Variants in RCC1L observed in about 807,000 individuals in gnomAD.
The protein encoded by RCC1L is RCC1-like G exchanging factor-like protein.
Under a neutral mutation model 58.6 loss-of-function variants are expected in RCC1L, and 46 were observed. That is an observed-to-expected ratio of 0.79 (90% CI 0.62 to 1.00). The LOEUF is 1.00. Among genes scored for constraint, RCC1L ranks in the 50% least tolerant of loss-of-function variants. The probability of loss-of-function intolerance (pLI) is 0.00; values close to 1 mark genes in which losing one functional copy is unlikely to be tolerated. For missense variants in RCC1L, 636 were observed against 623.6 expected (o/e 1.02, Z -0.21); for synonymous variants, 281 against 262.9 (o/e 1.07, Z -0.67).
At chr7:75,031,379 G>A (rs1315680084) in intron 10 of RCC1L, among the ~76,000 whole-genome samples, 1 of 152,066 alleles carries the variant, frequency 6.6e-6, no homozygotes, top group Admixed American at 6.6e-5. Flanking sequence ...ACCCCCCCGG[G>A]GCCCTCAAGC....
intron 9 of RCC1L, among the ~76,000 whole-genome samples, chr7:75,053,736 T>C (rs1805990770): frequency 1.3e-5 from 2 of 152,096 alleles, no homozygotes; most frequent in African/African-American, 4.8e-5. Context: ...CCATCAGCTG[T>C]TGGGCAAAAG....
chr7:75,063,338 C>A lies in RCC1L; in HGVS notation c.656G>T (p.Ser219Ile). 2.5e-6 allele frequency: 4 copies of A among 1,613,814 alleles called. No individual in the cohort carries two copies. Among genetic ancestry groups the A allele is most frequent in the Non-Finnish European group, 3.4e-6 (4 of 1,179,832 alleles). The change falls in exon 5 of 11, where the codon AGT becomes ATT. Residue 219 changes from serine (S) to isoleucine (I), a missense_variant. By Grantham distance (142) the Ser-to-Ile change is moderately radical. Coordinates refer to ENST00000610322, the MANE Select transcript of RCC1L (RefSeq NM_030798.5). ...KVVENEIYSE[S>I]HRVHRMQDFD... ...GTCCTGCATCCTGTGGACTCTGTGACTTTCACTACAGCCAGGAACAAATTG... is the reference window on the plus strand; with the variant it reads ...GTCCTGCATCCTGTGGACTCTGTGAATTTCACTACAGCCAGGAACAAATTG...
chr7:75,038,874 G>A (rs1046266655), downstream of RCC1L, among the ~76,000 whole-genome samples: 3 of 152,188 alleles, frequency 2.0e-5, no homozygotes, highest in Non-Finnish European at 4.4e-5. Context: ...CCTCCGGGGG[G>A]AAACCCAGTC....
intron 1 of RCC1L, among the ~76,000 whole-genome samples, chr7:75,072,489 G>T (rs587715437): frequency 6.6e-6 from 1 of 151,908 alleles, no homozygotes; most frequent in Admixed American, 6.6e-5. Flanking sequence ...ACACTACACC[G>T]TTACGTACTC....
At chr7:75,033,161 C>T (rs1254292662) in intron 10 of RCC1L, among the ~76,000 whole-genome samples, 4 of 152,102 alleles carry the variant, frequency 2.6e-5, no homozygotes, top group East Asian at 3.9e-4. Context: ...CAAAATCATC[C>T]CCTTATGCTG....
chr7:75,027,904 G>T, exon 11 of RCC1L: 2 of 1,034,434 alleles, frequency 1.9e-6, no homozygotes, highest in Non-Finnish European at 2.9e-6. Context: ...GCTATCTCCT[G>T]GTCTGCTGGG....
At chr7:75,073,055 G>A (rs587715280) in intron 1 of RCC1L, among the ~76,000 whole-genome samples, 4 of 152,328 alleles carry the variant, frequency 2.6e-5, no homozygotes, top group Non-Finnish European at 5.9e-5. Context: ...CAGAACTCCT[G>A]CAGTCACGCT....
intron 2 of RCC1L, among the ~76,000 whole-genome samples, chr7:75,067,053 G>C (rs1806520249): frequency 6.6e-6 from 1 of 152,132 alleles, no homozygotes; most frequent in African/African-American, 2.4e-5. Context: ...TGTAATCCCA[G>C]CACTTTGGGA....
At position 75,042,961 on chromosome 7, in the gene RCC1L, C is replaced by T; in HGVS notation, c.*71G>A. 6.2e-7 allele frequency: 1 copy of T among 1,610,926 alleles called. No homozygotes were observed. The highest frequency in any genetic ancestry group is 1.3e-5 in the African/African-American group (1 of 75,018). On this transcript the variant is annotated 3_prime_UTR_variant, in exon 11 of 11. Transcript: ENST00000610322. ...CCATCCAAGAACCCCGGGGGGCTGG[C>T]CACGCGCTGGCCTCTGCCAAGGAGT...
At chr7:75,065,931 T>C (rs968407409) in intron 3 of RCC1L, among the ~76,000 whole-genome samples, 2 of 151,100 alleles carry the variant, frequency 1.3e-5, no homozygotes, top group Non-Finnish European at 2.9e-5. Flanking sequence ...GGCAGGAGAA[T>C]TGCTTGAACC....
At chr7:75,057,855 T>C (rs2131994782) in intron 7 of RCC1L, 1 of 557,560 alleles carries the variant, frequency 1.8e-6, no homozygotes, top group East Asian at 3.2e-5. Context: ...TCAACCAAAA[T>C]TAACATAAAA....
downstream of RCC1L, among the ~76,000 whole-genome samples, chr7:75,037,878 A>G (rs1440915355): frequency 1.3e-5 from 2 of 152,240 alleles, no homozygotes; most frequent in East Asian, 3.8e-4. Flanking sequence ...AGAAAAGCAC[A>G]GCTATCAGGA....
At chr7:75,066,963 G>A (rs1453985658) in intron 2 of RCC1L, among the ~76,000 whole-genome samples, 171 bp from the exon 3 acceptor site, 2 of 152,162 alleles carry the variant, frequency 1.3e-5, no homozygotes, top group South Asian at 2.1e-4. Flanking sequence ...CCCAGCCCAT[G>A]GCATGGGCTG....
intron 3 of RCC1L, among the ~76,000 whole-genome samples, chr7:75,066,274 A>G (rs1475839210): frequency 6.6e-6 from 1 of 151,814 alleles, no homozygotes; most frequent in African/African-American, 2.4e-5. Flanking sequence ...ACATGGTGAA[A>G]CCCCGTCTCT....
chr7:75,067,753 G>C (rs972260238), intron 2 of RCC1L, among the ~76,000 whole-genome samples: 9 of 152,152 alleles, frequency 5.9e-5, no homozygotes, highest in Non-Finnish European at 8.8e-5. Context: ...GCTGAGATGG[G>C]AGGATCACTT....
exon 11 of RCC1L, chr7:75,027,929 C>T (rs1563067137): frequency 1.5e-6 from 2 of 1,295,802 alleles, no homozygotes; most frequent in South Asian, 1.3e-5. Flanking sequence ...AGGGTCTCTC[C>T]AGGCCCCAGA....
In RCC1L at chr7:75,042,344, C is replaced by G; in HGVS notation, c.*688G>C. 1.0e-6 allele frequency: 1 copy of G among 985,608 alleles called. No individual in the cohort carries two copies. Among genetic ancestry groups the G allele is most frequent in the South Asian group, 4.7e-5 (1 of 21,290 alleles). The allele number at this position is 985,608 out of a possible 1,614,324, so 61.1% of individuals were successfully genotyped here. On this transcript the variant is annotated 3_prime_UTR_variant, in exon 11 of 11. Coordinates refer to ENST00000610322, the MANE Select transcript of RCC1L (RefSeq NM_030798.5). ...GCAGCTGAGCCTTGGCGGATATGCT[C>G]GGGGCCCTCGGCGCAGAGGAACTTG...
chr7:75,046,891 C>T (rs1805736463), intron 10 of RCC1L, among the ~76,000 whole-genome samples: 1 of 152,036 alleles, frequency 6.6e-6, no homozygotes, highest in Non-Finnish European at 1.5e-5. Context: ...TTCGTGGGGA[C>T]AAGAGAGCCA....
rs1336706871 is a variant in RCC1L, at chr7:75,058,742, G to A, written c.815C>T (p.Ser272Leu). Reference sequence around the variant, plus strand: ...CAGGTCTCCACCCAGCTTGGTGGGCGAGCTGGTGATATTGTAGTGACCCAG... The same window carrying A: ...CAGGTCTCCACCCAGCTTGGTGGGCAAGCTGGTGATATTGTAGTGACCCAG... ...TGLGHYNITSSPTKLGGDLAG... is the reference protein window; with the variant it reads ...TGLGHYNITSLPTKLGGDLAG... Residue 272 changes from serine (S) to leucine (L), a missense_variant, in exon 7 of 11, where the codon TCG becomes TTG. Coordinates refer to ENST00000610322, the MANE Select transcript of RCC1L (RefSeq NM_030798.5). 16 of 1,613,806 alleles carry A rather than the reference G, an allele frequency of 9.9e-6. No individual in the cohort carries two copies. Among genetic ancestry groups the A allele is most frequent in the African/African-American group, 6.7e-5 (5 of 74,922 alleles).
Sources: gnomAD v4.1 joint callset for allele counts (sites outside exome capture counted in the v4.1 genomes callset) on GRCh38, gnomAD v4.1.1 for gene constraint, MANE v1.5 for transcripts, NCBI Gene and HGNC (gene_info 2026-07-23, HGNC 2026-07-21) for gene names.